ZNF415: variants seen among roughly 807,000 people sequenced by gnomAD.
ZNF415 encodes the protein zinc finger protein 415.
A neutral mutation model predicts 7.3 loss-of-function variants in ZNF415; 5 were observed. That is an observed-to-expected ratio of 0.69 (90% CI 0.36 to 1.44). The LOEUF (loss-of-function observed/expected upper bound fraction) is 1.44. Ranked by LOEUF, ZNF415 falls within the 40% of genes most tolerant of loss-of-function variation. ZNF415 has a pLI of 0.04. For synonymous variants in ZNF415, 207 were observed against 226.3 expected (o/e 0.91, Z 0.77); for missense variants, 628 against 664.8 (o/e 0.94, Z 0.61).
At position 53,122,704 on chromosome 19, in the gene ZNF415, G is replaced by C; in HGVS notation, c.-28C>G. On this transcript the variant is annotated 5_prime_UTR_variant, in exon 2 of 4. Transcript: ENST00000243643. ...CTGACTCCTTTGCTCTCCTCTTCTGGGTTTCTTCCTCATGTGCCAGGAGTC... is the reference window on the plus strand; with the variant it reads ...CTGACTCCTTTGCTCTCCTCTTCTGCGTTTCTTCCTCATGTGCCAGGAGTC... 6.2e-7 allele frequency: 1 copy of C among 1,613,874 alleles called. No homozygotes were observed. The highest frequency in any genetic ancestry group is 2.2e-5 in the East Asian group (1 of 44,870).
Position 53,116,209 on chromosome 19 carries a change from C to T in ZNF415, c.136+104G>A, listed in dbSNP as rs79306341. The T allele has an allele frequency of 2.4e-4, 311 of 1,315,490 alleles. 1 individual carries two copies. In the African/African-American group the frequency reaches 4.2e-3, roughly 18 times the overall value. 81.5% of individuals were successfully genotyped at this position (1,315,490 alleles called of 1,614,324 possible). A position where few individuals can be genotyped will look rare whatever the true frequency, so the allele number is the denominator to read the frequency against. On this transcript the variant is annotated intron_variant, in intron 3 of 3. Transcript: ENST00000243643. ...GCTTTTCATTTCAGAGTCAACAAGG[C>T]CTCAAACTCAGTCAGGTAATGCAGG...
At chr19:53,125,355 T>A (rs994047106) in intron 1 of ZNF415, among the ~76,000 whole-genome samples, 5 of 151,002 alleles carry the variant, frequency 3.3e-5, no homozygotes, top group Non-Finnish European at 5.9e-5. Flanking sequence ...TTTTTTTTTT[T>A]AAACAGGATC....
At chr19:53,109,948 G>A in intron 3 of ZNF415, 40 bp from the exon 4 acceptor site, 1 of 1,458,564 alleles carries the variant, frequency 6.9e-7, no homozygotes, top group Non-Finnish European at 9.2e-7. Context: ...ATTAATTAGA[G>A]ACAGTATATA....
chr19:53,109,383 C>T lies in ZNF415; in HGVS notation c.662G>A (p.Cys221Tyr). 6.2e-7 allele frequency: 1 copy of T among 1,614,118 alleles called. No homozygotes were observed. Among genetic ancestry groups the T allele is most frequent in the Non-Finnish European group, 8.5e-7 (1 of 1,179,994 alleles). Residue 221 changes from cysteine (C) to tyrosine (Y), a missense_variant, in exon 4 of 4, where the codon TGC becomes TAC. Cys to Tyr is a radical substitution (Grantham distance 194). Coordinates refer to ENST00000243643, the MANE Select transcript of ZNF415 (RefSeq NM_018355.4). The part of the protein sequence containing the change: ...IREKPYRYIE[C>Y]DKALNHGSHM... ...TGAGCCATGATTCAAGGCTTTGTCG[C>T]ACTCAATATATCTGTAAGGTTTTTC...
At chr19:53,123,246 G>A (rs992492692) in intron 1 of ZNF415, among the ~76,000 whole-genome samples, 1 of 152,116 alleles carries the variant, frequency 6.6e-6, no homozygotes, top group Admixed American at 6.6e-5. Context: ...GAAGCCAGGG[G>A]GTAGCTCTAC....
chr19:53,120,256 A>G (rs1290173445), intron 2 of ZNF415, among the ~76,000 whole-genome samples: 1 of 152,212 alleles, frequency 6.6e-6, no homozygotes, highest in Non-Finnish European at 1.5e-5. Context: ...ACGTAACAAA[A>G]TATCACATCT....
intron 3 of ZNF415, among the ~76,000 whole-genome samples, chr19:53,114,993 C>T (rs1335504088): frequency 5.3e-5 from 8 of 152,078 alleles, no homozygotes; most frequent in Non-Finnish European, 1.2e-4. Context: ...GTGGAGGCCT[C>T]CCCTCTGATC....
intron 1 of ZNF415, among the ~76,000 whole-genome samples, chr19:53,130,803 A>G (rs1169607460): frequency 2.0e-5 from 3 of 151,818 alleles, no homozygotes; most frequent in Non-Finnish European, 4.4e-5. Context: ...GTGTCACCAT[A>G]CCTGGCTAAG....
chr19:53,128,580 T>G (rs2089594483), intron 1 of ZNF415, among the ~76,000 whole-genome samples: 1 of 109,140 alleles, frequency 9.2e-6, no homozygotes, highest in African/African-American at 3.1e-5. Context: ...CTGCCCAGGA[T>G]GGCCACTGGG....
chr19:53,116,542 T>C, intron 2 of ZNF415, 109 bp from the exon 3 acceptor site: 1 of 1,423,444 alleles, frequency 7.0e-7, no homozygotes, highest in Non-Finnish European at 9.8e-7. Flanking sequence ...AATTGAAGTG[T>C]GTGTTCTGAT....
In ZNF415 at chr19:53,120,069, G is replaced by GA. The variant is rs971184093; in HGVS notation, c.15+2592dup. Among the ~76,000 whole-genome samples the GA allele has an allele frequency of 4.8e-3, 688 of 143,800 alleles. 6 individuals are homozygous for GA. The highest frequency in any genetic ancestry group is 0.016 in the African/African-American group (639 of 39,250). 94.3% of individuals were successfully genotyped at this position (143,800 alleles called of 152,430 possible). On this transcript the variant is annotated intron_variant, in intron 2 of 3. Transcript: ENST00000243643. ...GCATTCCCGATATCAAACCAGAAAA[G>GA]AAAAAAAAAAGGAAAACTATAGGCC...
rs1249570477 is a variant in ZNF415, at chr19:53,116,340, C to T, written c.109G>A (p.Glu37Lys). The change falls in exon 3 of 4, where the codon GAG becomes AAG. Residue 37 changes from glutamate to lysine, a missense_variant. Glu to Lys is a moderately conservative substitution (Grantham distance 56, BLOSUM62 1). Transcript: ENST00000243643. Reference protein sequence around the residue: ...QRTLYRDVMLENYRNLVSLDL... With the variant: ...QRTLYRDVMLKNYRNLVSLDL... ...AGGGAGACCAGGTTCCTGTAGTTCT[C>T]CAACATCACATCCCTGTATAAAGTC... 6.2e-7 allele frequency: 1 copy of T among 1,611,592 alleles called. No homozygotes were observed. Among genetic ancestry groups the T allele is most frequent in the Non-Finnish European group, 8.5e-7 (1 of 1,179,360 alleles).
intron 1 of ZNF415, among the ~76,000 whole-genome samples, chr19:53,124,551 T>C (rs1245964615): frequency 6.6e-6 from 1 of 152,148 alleles, no homozygotes; most frequent in Non-Finnish European, 1.5e-5. Flanking sequence ...GGAAATCACA[T>C]TTCAACATGA....
At chr19:53,112,103 G>A (rs961139235) in intron 3 of ZNF415, among the ~76,000 whole-genome samples, 7 of 151,958 alleles carry the variant, frequency 4.6e-5, no homozygotes, top group African/African-American at 1.7e-4. Flanking sequence ...CACCATGCCC[G>A]GCTACTTTTT....
intron 1 of ZNF415, among the ~76,000 whole-genome samples, chr19:53,123,040 T>C (rs1379424565): frequency 6.6e-6 from 1 of 151,998 alleles, no homozygotes; most frequent in Non-Finnish European, 1.5e-5. Context: ...CCCCTTTCCC[T>C]CTCTGGATCC....
At chr19:53,131,234 C>T (rs1306991111) in intron 1 of ZNF415, among the ~76,000 whole-genome samples, 2 of 151,884 alleles carry the variant, frequency 1.3e-5, no homozygotes, top group East Asian at 3.9e-4. Flanking sequence ...CACTTTCTGC[C>T]CAGCTTTACT....
rs542391230 is a variant in ZNF415, at chr19:53,128,892, G to A, written c.-68+3964C>T. 3.1e-5 allele frequency among the ~76,000 whole-genome samples: 3 copies of A among 96,822 alleles called. 1 individual carries two copies. Among genetic ancestry groups the A allele is most frequent in the African/African-American group, 1.0e-4 (3 of 29,392 alleles). The allele number at this position is 96,822 out of a possible 152,430, so 63.5% of individuals were successfully genotyped here. A position where few individuals can be genotyped will look rare whatever the true frequency, so the allele number is the denominator to read the frequency against. On this transcript the variant is annotated intron_variant, in intron 1 of 3. Transcript: ENST00000243643. ...CCGGAGCAGGTGCTGCAGTCATCCC[G>A]TGGCCCAGATGGAGACTGTGTCCTC...
intron 2 of ZNF415, among the ~76,000 whole-genome samples, chr19:53,119,803 G>C (rs529040629): frequency 3.9e-5 from 6 of 152,092 alleles, no homozygotes; most frequent in Admixed American, 2.0e-4. Context: ...AGAAAACCTA[G>C]AGGAAATGGA....
At position 53,127,875 on chromosome 19, in the gene ZNF415, C is replaced by CAA. The variant is rs35037197; in HGVS notation, c.-68+4979_-68+4980dup. Among the ~76,000 whole-genome samples the CAA allele has an allele frequency of 5.9e-4, 74 of 126,316 alleles. 3 individuals are homozygous for CAA. The highest frequency in any genetic ancestry group is 9.9e-4 in the East Asian group (4 of 4,052). 82.9% of individuals were successfully genotyped at this position (126,316 alleles called of 152,430 possible). A position where few individuals can be genotyped will look rare whatever the true frequency, so the allele number is the denominator to read the frequency against. On this transcript the variant is annotated intron_variant, in intron 1 of 3. Coordinates refer to ENST00000243643, the MANE Select transcript of ZNF415 (RefSeq NM_018355.4). ...CTGCCAACAGAGCGAGACACCGTCT[C>CAA]AAAAAAAAAAAAAAGAAAAAGAAAA...
Sources: allele counts gnomAD v4.1 joint callset (sites outside exome capture counted in the v4.1 genomes callset), GRCh38; gene constraint gnomAD v4.1.1; transcripts MANE v1.5; gene names NCBI Gene and HGNC (gene_info 2026-07-23, HGNC 2026-07-21).